Variants in CSMD1 observed in about 807,000 individuals in gnomAD.
CSMD1 encodes CUB and sushi domain-containing protein 1.
In CSMD1, 213 loss-of-function variants were observed where a neutral mutation model predicts 417.5. The observed-to-expected ratio is 0.51, with a 90% CI of 0.46 to 0.57. The LOEUF (loss-of-function observed/expected upper bound fraction) is 0.57, where lower values mean the gene tolerates loss of function less well. CSMD1 is among the 20% of genes least tolerant of loss of function. The pLI is 0.00. For synonymous variants in CSMD1, 2,862 were observed against 1,736.8 expected, an observed-to-expected ratio of 1.65 and a Z score of -16.11; for missense variants, 6,923 against 4,529.7, an observed-to-expected ratio of 1.53 and a Z score of -15.17.
At chr8:3,686,985 T>A (rs549158697) in intron 7 of CSMD1, among the ~76,000 whole-genome samples, 1 of 152,178 alleles carries the variant, frequency 6.6e-6, no homozygotes, top group Non-Finnish European at 1.5e-5. Context: ...TGTTCAAACG[T>A]ATCAGGACAT....
chr8:4,578,335 T>TTTC (rs1563303583), intron 2 of CSMD1, among the ~76,000 whole-genome samples: 2 of 126,048 alleles, frequency 1.6e-5, no homozygotes, highest in African/African-American at 7.6e-5. Flanking sequence ...CCGGCTCATT[T>TTTC]TTTTTTTTTT....
At chr8:4,131,363 C>G (rs1372213778) in intron 3 of CSMD1, among the ~76,000 whole-genome samples, 1 of 152,116 alleles carries the variant, frequency 6.6e-6, no homozygotes, top group Non-Finnish European at 1.5e-5. Context: ...ACACGCTCCT[C>G]AAAATAATAT....
intron 1 of CSMD1, among the ~76,000 whole-genome samples, chr8:4,655,410 C>T (rs562171605): frequency 6.6e-6 from 1 of 151,892 alleles, no homozygotes; most frequent in Non-Finnish European, 1.5e-5. Flanking sequence ...AAATGTTAAA[C>T]AAAAACAATT....
At chr8:2,993,210 T>C (rs1806556383) in intron 54 of CSMD1, among the ~76,000 whole-genome samples, 1 of 152,222 alleles carries the variant, frequency 6.6e-6, no homozygotes, top group Admixed American at 6.5e-5. Context: ...AAGAACAATG[T>C]ATAAAGGCCA....
In CSMD1 at chr8:3,795,107, C is replaced by CTATAGATAGCTATCATGTAT. The variant is rs1382204838; in HGVS notation, c.819-41066_819-41065insATACATGATAGCTATCTATA. Reference sequence around the variant, plus strand: ...GCTATAGATATATATCTATCATGTACAGCTATAGATATCTATCATGTACAG... The same window carrying CTATAGATAGCTATCATGTAT: ...GCTATAGATATATATCTATCATGTACTATAGATAGCTATCATGTATAGCTATAGATATCTATCATGTACAG... On this transcript the variant is annotated intron_variant, in intron 5 of 69. Transcript: ENST00000635120. 5.0e-4 allele frequency among the ~76,000 whole-genome samples: 45 copies of CTATAGATAGCTATCATGTAT among 89,524 alleles called. 2 individuals are homozygous for CTATAGATAGCTATCATGTAT. Among genetic ancestry groups the CTATAGATAGCTATCATGTAT allele is most frequent in the Middle Eastern group, 0.018 (2 of 112 alleles). The allele number at this position is 89,524 out of a possible 152,430, so 58.7% of individuals were successfully genotyped here.
At chr8:4,470,990 A>G (rs1007838567) in intron 2 of CSMD1, among the ~76,000 whole-genome samples, 2 of 152,326 alleles carry the variant, frequency 1.3e-5, no homozygotes, top group African/African-American at 4.8e-5. Flanking sequence ...ATATTTGAGC[A>G]TTACATACTT....
In CSMD1 at chr8:3,099,614, T is replaced by C. The variant is rs538225910; in HGVS notation, c.6950-2577A>G. Among the ~76,000 whole-genome samples the C allele has an allele frequency of 5.9e-5, 9 of 152,320 alleles. 1 individual carries two copies. The highest frequency in any genetic ancestry group is 1.7e-4 in the African/African-American group (7 of 41,580). On this transcript the variant is annotated intron_variant, in intron 46 of 69. Transcript: ENST00000635120. ...CTGCAGCTATAGTTATCAGTTGACA[T>C]TGGAACTTCAGGCCATCTGGAAGTA...
chr8:3,230,523 C>G (rs573730864), intron 26 of CSMD1, among the ~76,000 whole-genome samples: 2 of 152,132 alleles, frequency 1.3e-5, no homozygotes, highest in South Asian at 2.1e-4. Flanking sequence ...AGAATAAATA[C>G]ATACATACAC....
intron 3 of CSMD1, among the ~76,000 whole-genome samples, chr8:4,375,353 C>T (rs1167382353): frequency 6.6e-6 from 1 of 152,058 alleles, no homozygotes; most frequent in Non-Finnish European, 1.5e-5. Context: ...ATCCTATTCA[C>T]CATCCACACA....
chr8:3,642,389 A>G (rs894096483), intron 7 of CSMD1, among the ~76,000 whole-genome samples: 2 of 152,172 alleles, frequency 1.3e-5, no homozygotes, highest in African/African-American at 2.4e-5. Context: ...CCTTAAGTCC[A>G]CTTTCCCATG....
At chr8:4,899,654 A>G (rs186807721) in intron 1 of CSMD1, among the ~76,000 whole-genome samples, 2 of 152,296 alleles carry the variant, frequency 1.3e-5, no homozygotes, top group Admixed American at 1.3e-4. Context: ...TTGCAAAAAT[A>G]TAAGATGACC....
intron 12 of CSMD1, among the ~76,000 whole-genome samples, chr8:3,466,157 C>A (rs1053058362): frequency 6.6e-6 from 1 of 151,830 alleles, no homozygotes; most frequent in African/African-American, 2.4e-5. Flanking sequence ...ACATGTTTTA[C>A]TCAGTTGATT....
chr8:4,533,023 G>C (rs990902522), intron 2 of CSMD1, among the ~76,000 whole-genome samples: 4 of 152,158 alleles, frequency 2.6e-5, no homozygotes, highest in Admixed American at 2.0e-4. Context: ...AGTCACTCCG[G>C]AGTTTCTCCT....
At chr8:4,275,051 A>C (rs1411025770) in intron 3 of CSMD1, among the ~76,000 whole-genome samples, 1 of 152,172 alleles carries the variant, frequency 6.6e-6, no homozygotes, top group Admixed American at 6.6e-5. Context: ...TACTTGCTCC[A>C]AGAAATTCTT....
In CSMD1 at chr8:3,256,041, G is replaced by A. The variant is rs893936495; in HGVS notation, c.4154-25810C>T. Among the ~76,000 whole-genome samples the A allele has an allele frequency of 5.9e-5, 9 of 152,208 alleles. No homozygotes were observed. In the South Asian group the frequency reaches 1.9e-3, roughly 32 times the overall value. ...AGTACACATTTTTATAGAAGACAAT[G>A]ACTGAGCCGGGTGAGGTGGCTCACA... On this transcript the variant is annotated intron_variant, in intron 26 of 69. Coordinates refer to ENST00000635120, the MANE Select transcript of CSMD1 (RefSeq NM_033225.6).
At chr8:3,006,094 G>C (rs939933172) in intron 52 of CSMD1, among the ~76,000 whole-genome samples, 1 of 150,860 alleles carries the variant, frequency 6.6e-6, no homozygotes, top group African/African-American at 2.4e-5. Flanking sequence ...CAAAATCAAT[G>C]TGCAAAAATC....
At chr8:3,339,607 AT>A (rs1807508067) in intron 23 of CSMD1, among the ~76,000 whole-genome samples, 1 of 152,176 alleles carries the variant, frequency 6.6e-6, no homozygotes, top group Non-Finnish European at 1.5e-5. Flanking sequence ...ATATCAATAA[AT>A]TACTCTCAGA....
In CSMD1 at chr8:3,943,671, C is replaced by T. The variant is rs12544482; in HGVS notation, c.818+54232G>A. Reference sequence around the variant, plus strand: ...TTAATAGGACAAGTCAACAGGGGTCCCCTGCTATAATGAACTGAAGACACA... The same window carrying T: ...TTAATAGGACAAGTCAACAGGGGTCTCCTGCTATAATGAACTGAAGACACA... On this transcript the variant is annotated intron_variant, in intron 5 of 69. Transcript: ENST00000635120. Among the ~76,000 whole-genome samples the T allele has an allele frequency of 1.2e-3, 186 of 152,082 alleles. 3 individuals carry two copies. The South Asian group carries it at 0.015, about 12-fold the overall frequency.
intron 2 of CSMD1, among the ~76,000 whole-genome samples, chr8:4,483,129 T>C (rs554729658): frequency 1.2e-4 from 18 of 152,114 alleles, no homozygotes; most frequent in Non-Finnish European, 2.4e-4. Context: ...CTCCTGGTGG[T>C]GGATAAGTCT....
Sources: gnomAD v4.1 joint callset for allele counts (sites outside exome capture counted in the v4.1 genomes callset) on GRCh38, gnomAD v4.1.1 for gene constraint, MANE v1.5 for transcripts, NCBI Gene and HGNC (gene_info 2026-07-23, HGNC 2026-07-21) for gene names.